The following NFIA variants were observed in gnomAD, a reference collection of about 807,000 sequenced individuals.
NFIA encodes nuclear factor I A.
In NFIA, 8 loss-of-function variants were observed where a neutral mutation model predicts 62.8. The ratio of observed to expected loss-of-function variants is 0.13; its 90% confidence interval spans 0.07 to 0.23. The LOEUF is 0.23. Among genes scored for constraint, NFIA ranks in the 10% least tolerant of loss-of-function variants. The pLI is 1.00. For synonymous variants in NFIA, 235 were observed against 238.1 expected, an observed-to-expected ratio of 0.99 and a Z score of 0.12; for missense variants, 410 against 642.1, an observed-to-expected ratio of 0.64 and a Z score of 3.91.
intron 2 of NFIA, among the ~76,000 whole-genome samples, chr1:61,203,265 G>A (rs572709717): frequency 2.4e-4 from 37 of 152,254 alleles, no homozygotes; most frequent in African/African-American, 7.2e-4. Context: ...GCAGGCAGGC[G>A]AAACTGGGAT....
At chr1:61,455,268 G>A (rs368181365) in intron 10 of NFIA, 35 bp from the exon 11 acceptor site, 30 of 1,611,690 alleles carry the variant, frequency 1.9e-5, no homozygotes, top group Non-Finnish European at 2.4e-5. Context: ...TTTACAAATT[G>A]TGATTTTAAT....
intron 4 of NFIA, among the ~76,000 whole-genome samples, chr1:61,351,866 T>C (rs543447060): frequency 1.3e-5 from 2 of 152,380 alleles, no homozygotes; most frequent in East Asian, 3.9e-4. Context: ...GCCATGGCTA[T>C]GCTCCCGTAA....
intron 10 of NFIA, among the ~76,000 whole-genome samples, chr1:61,430,370 A>G (rs1002383554): frequency 6.6e-6 from 1 of 152,232 alleles, no homozygotes; most frequent in Non-Finnish European, 1.5e-5. Context: ...GTTGAGAAAA[A>G]TAATAAAAAT....
intron 2 of NFIA, among the ~76,000 whole-genome samples, chr1:61,192,038 C>G (rs546659563): frequency 6.7e-6 from 1 of 150,274 alleles, no homozygotes; most frequent in African/African-American, 2.5e-5. Flanking sequence ...CAGCTCACTG[C>G]AACCTCCACC....
chr1:61,262,719 T>A (rs552585950), intron 2 of NFIA, among the ~76,000 whole-genome samples: 1 of 152,314 alleles, frequency 6.6e-6, no homozygotes, highest in African/African-American at 2.4e-5. Flanking sequence ...CACTCAGTGA[T>A]TTTTTTGGAA....
intron 2 of NFIA, among the ~76,000 whole-genome samples, chr1:61,119,587 G>A (rs182503875): frequency 4.6e-5 from 7 of 152,268 alleles, no homozygotes; most frequent in Admixed American, 3.9e-4. Context: ...GAAATAACTT[G>A]TGATAGTTCT....
intron 3 of NFIA, among the ~76,000 whole-genome samples, chr1:61,317,624 T>G (rs1414980602): frequency 2.0e-5 from 3 of 152,066 alleles, no homozygotes; most frequent in Non-Finnish European, 4.4e-5. Context: ...AAATAATTTT[T>G]TTACTCAAAA....
At chr1:61,229,104 A>G (rs1243322792) in intron 2 of NFIA, among the ~76,000 whole-genome samples, 1 of 151,938 alleles carries the variant, frequency 6.6e-6, no homozygotes, top group East Asian at 1.9e-4. Flanking sequence ...AATTGTCTGA[A>G]GTAAGTCATG....
intron 3 of NFIA, among the ~76,000 whole-genome samples, chr1:61,283,054 T>C (rs1351756294): frequency 6.6e-6 from 1 of 152,198 alleles, no homozygotes; most frequent in Non-Finnish European, 1.5e-5. Flanking sequence ...AAAATTACCC[T>C]GTGGAGTATT....
intron 3 of NFIA, among the ~76,000 whole-genome samples, chr1:61,290,808 C>T (rs1658833844): frequency 6.6e-6 from 1 of 151,986 alleles, no homozygotes; most frequent in East Asian, 1.9e-4. Context: ...TTGAAGGGAG[C>T]CAGAGGAAAA....
At chr1:61,454,490 A>C (rs1007158515) in intron 10 of NFIA, among the ~76,000 whole-genome samples, 1 of 152,238 alleles carries the variant, frequency 6.6e-6, no homozygotes, top group Admixed American at 6.5e-5. Flanking sequence ...TAAATGCTGC[A>C]TGGACGCAAG....
chr1:61,279,854 T>C (rs1008342515), intron 3 of NFIA, among the ~76,000 whole-genome samples: 1 of 152,204 alleles, frequency 6.6e-6, no homozygotes, highest in African/African-American at 2.4e-5. Context: ...CTGGATTTTT[T>C]GGCCAAAGGC....
At chr1:61,105,225 G>C (rs1646574986) in intron 2 of NFIA, among the ~76,000 whole-genome samples, 1 of 151,896 alleles carries the variant, frequency 6.6e-6, no homozygotes, top group African/African-American at 2.4e-5. Flanking sequence ...TCTCATGAAG[G>C]AGAAATACAG....
chr1:61,214,416 G>T (rs1267468296), intron 2 of NFIA, among the ~76,000 whole-genome samples: 1 of 152,118 alleles, frequency 6.6e-6, no homozygotes, highest in Non-Finnish European at 1.5e-5. Flanking sequence ...AGAAGGCAGA[G>T]AGTGGTGCTT....
At chr1:61,339,581 A>G (rs1250481886) in intron 4 of NFIA, among the ~76,000 whole-genome samples, 1 of 152,176 alleles carries the variant, frequency 6.6e-6, no homozygotes, top group Non-Finnish European at 1.5e-5. Context: ...CTATAATTCA[A>G]TAAATTTTCA....
intron 3 of NFIA, among the ~76,000 whole-genome samples, chr1:61,300,318 C>CTGGTAT (rs1221558363): frequency 1.3e-5 from 2 of 152,028 alleles, no homozygotes. Flanking sequence ...GATATTCCAG[C>CTGGTAT]AGATCTATAC....
intron 3 of NFIA, among the ~76,000 whole-genome samples, chr1:61,311,464 C>T (rs554606840): frequency 6.6e-6 from 1 of 152,244 alleles, no homozygotes; most frequent in South Asian, 2.1e-4. Context: ...GTTTCTCAGC[C>T]TCAGCACCAT....
intron 7 of NFIA, among the ~76,000 whole-genome samples, chr1:61,403,396 C>T (rs2474383): frequency 0.32 from 48,672 of 151,982 alleles, 8,146 homozygotes; most frequent in East Asian, 0.57. Flanking sequence ...TGTAAGGGAG[C>T]AGTAGTTGTC....
intron 2 of NFIA, among the ~76,000 whole-genome samples, chr1:61,174,237 C>G (rs192320796): frequency 4.3e-4 from 66 of 152,284 alleles, no homozygotes; most frequent in Non-Finnish European, 8.7e-4. Context: ...TGGGTCTGTT[C>G]CCAGCCTTCC....
Sources: gnomAD v4.1 joint callset for allele counts (sites outside exome capture counted in the v4.1 genomes callset) on GRCh38, gnomAD v4.1.1 for gene constraint, MANE v1.5 for transcripts, NCBI Gene and HGNC (gene_info 2026-07-23, HGNC 2026-07-21) for gene names.